The following CNIH2 variants were observed in gnomAD, a reference collection of about 807,000 sequenced individuals.
CNIH2 encodes the protein protein cornichon homolog 2.
CNIH2 carries 8 observed loss-of-function variants against 22.9 expected under a neutral mutation model. The observed-to-expected ratio is 0.35, with a 90% CI of 0.20 to 0.63. The LOEUF (loss-of-function observed/expected upper bound fraction) is 0.63, where lower values mean the gene tolerates loss of function less well. CNIH2 is among the 30% of genes least tolerant of loss of function. The pLI, the probability that CNIH2 is intolerant of heterozygous loss-of-function variation, is 0.72. For missense variants in CNIH2, 105 were observed against 206.2 expected, an observed-to-expected ratio of 0.51 and a Z score of 3.01; for synonymous variants, 74 against 78.2, an observed-to-expected ratio of 0.95 and a Z score of 0.28.
chr11:66,278,629 C>A, intron 1 of CNIH2, 92 bp downstream of exon 1: 1 of 986,460 alleles, frequency 1.0e-6, no homozygotes. Context: ...TCTCAGAGCC[C>A]AGGGGAAACT....
At chr11:66,280,377 C>T (rs1303276706) in intron 1 of CNIH2, among the ~76,000 whole-genome samples, 2 of 152,232 alleles carry the variant, frequency 1.3e-5, no homozygotes, top group South Asian at 2.1e-4. Flanking sequence ...TCTGGTTCCT[C>T]GCCGGCAAAG....
At chr11:66,282,698 G>C (rs373230686) in intron 2 of CNIH2, 35 bp from the exon 3 acceptor site, 2 of 1,612,828 alleles carry the variant, frequency 1.2e-6, no homozygotes, top group Non-Finnish European at 1.7e-6. Context: ...CTGCTTCTCC[G>C]CCACCCCATC....
chr11:66,282,422 G>GT, intron 2 of CNIH2, 95 bp downstream of exon 2: 2 of 1,023,438 alleles, frequency 2.0e-6, no homozygotes, highest in Admixed American at 2.1e-5. Context: ...CGGGGGTGGG[G>GT]TGGGGGGCCT....
Position 66,283,107 on chromosome 11 carries a change from C to G in CNIH2, c.271C>G (p.Leu91Val). Residue 91 changes from leucine (L) to valine (V), a missense_variant, in exon 4 of 6, where the codon CTG becomes GTG. By Grantham distance (32) the Leu-to-Val change is conservative (BLOSUM62 1). Transcript: ENST00000311445. ...MFLCAAEWVT[L>V]GLNIPLLFYH... is the part of the protein sequence containing the mutation. ...TCTGTGTGCAGCAGAGTGGGTGACCCTGGGCCTCAACATCCCCCTCCTCTT... is the reference window on the plus strand; with the variant it reads ...TCTGTGTGCAGCAGAGTGGGTGACCGTGGGCCTCAACATCCCCCTCCTCTT... 1 of 1,614,034 alleles carries G rather than the reference C, an allele frequency of 6.2e-7. No individual in the cohort carries two copies. The highest frequency in any genetic ancestry group is 1.3e-5 in the African/African-American group (1 of 75,060).
intron 2 of CNIH2, 91 bp downstream of exon 2, chr11:66,282,418 T>TGGGGGGGGGGGAGGGGGAAAGGGGGGGGG: frequency 6.2e-6 from 1 of 161,820 alleles, no homozygotes. Flanking sequence ...AAGACGGGGG[T>TGGGGGGGGGGGAGGGGGAAAGGGGGGGGG]GGGGTGGGGG....
rs1402029125 is a variant in CNIH2 at position 66,283,232 on chromosome 11, C to T, written c.312-16C>T. ...GGAGTCCTGATGGCAGACACTCAGG[C>T]CCCTGTCTGCCCCAGGTACTTCCAC... is the stretch of plus-strand genomic sequence containing the variant. On this transcript the variant is annotated splice_polypyrimidine_tract_variant and intron_variant, in intron 4 of 5. Coordinates refer to ENST00000311445, the MANE Select transcript of CNIH2 (RefSeq NM_182553.3). 3 of 1,613,712 alleles carry T rather than the reference C, an allele frequency of 1.9e-6. No homozygotes were observed. Among genetic ancestry groups the T allele is most frequent in the Admixed American group, 1.7e-5 (1 of 59,998 alleles).
intron 1 of CNIH2, among the ~76,000 whole-genome samples, chr11:66,280,472 G>T (rs1348658490): frequency 6.6e-6 from 1 of 152,198 alleles, no homozygotes; most frequent in Non-Finnish European, 1.5e-5. Context: ...CAGCTGCTAA[G>T]AACTAGACTC....
intron 1 of CNIH2, among the ~76,000 whole-genome samples, chr11:66,279,497 G>A (rs1345928189): frequency 7.6e-6 from 1 of 131,208 alleles, no homozygotes; most frequent in African/African-American, 3.0e-5. Flanking sequence ...TGCCCAGCTC[G>A]GCCCTGGCTG....
intron 1 of CNIH2, among the ~76,000 whole-genome samples, chr11:66,279,336 C>T (rs1418823952): frequency 6.6e-6 from 1 of 152,118 alleles, no homozygotes; most frequent in African/African-American, 2.4e-5. Flanking sequence ...CCTCCCGCTC[C>T]TCTCCTCCAG....
At chr11:66,282,178 A>G (rs1857267342) in intron 1 of CNIH2, 81 bp from the exon 2 acceptor site, 1 of 1,265,746 alleles carries the variant, frequency 7.9e-7, no homozygotes, top group Non-Finnish European at 1.2e-6. Context: ...GGTCCTCTTC[A>G]GTAAACTATC....
chr11:66,278,419 C>A lies in CNIH2; in HGVS notation c.-38C>A, dbSNP rs1270567827. 49 of 1,048,788 alleles carry A rather than the reference C, an allele frequency of 4.7e-5. No individual in the cohort carries two copies. In the Admixed American group the frequency reaches 5.4e-4, roughly 11 times the overall value. 65.0% of individuals were successfully genotyped at this position (1,048,788 alleles called of 1,614,324 possible). ...GGCGTCCCCTTGCGCCCGGGCCCCGCGCTGGCGCCCCCCGGGCCGCCGCCC... is the reference window on the plus strand; with the variant it reads ...GGCGTCCCCTTGCGCCCGGGCCCCGAGCTGGCGCCCCCCGGGCCGCCGCCC... On this transcript the variant is annotated 5_prime_UTR_variant, in exon 1 of 6. Coordinates refer to ENST00000311445, the MANE Select transcript of CNIH2 (RefSeq NM_182553.3).
Position 66,278,384 on chromosome 11 carries a change from CG to C in CNIH2, c.-70del. 9.1e-6 allele frequency: 5 copies of C among 547,326 alleles called. No homozygotes were observed. The highest frequency in any genetic ancestry group is 9.3e-6 in the Non-Finnish European group (4 of 427,962). 33.9% of individuals were successfully genotyped at this position (547,326 alleles called of 1,614,324 possible). ...GGCCATGCCCGGCCGGCCCTAAGCGCGGGCCGGGGGGCGTCCCCTTGCGCCC... is the reference window on the plus strand; with the variant it reads ...GGCCATGCCCGGCCGGCCCTAAGCGCGGCCGGGGGGCGTCCCCTTGCGCCC... On this transcript the variant is annotated 5_prime_UTR_variant, in exon 1 of 6. Coordinates refer to ENST00000311445, the MANE Select transcript of CNIH2 (RefSeq NM_182553.3).
At chr11:66,280,765 CG>C (rs1857248299) in intron 1 of CNIH2, among the ~76,000 whole-genome samples, 1 of 151,870 alleles carries the variant, frequency 6.6e-6, no homozygotes, top group Admixed American at 6.6e-5. Context: ...GGGAGCTGGG[CG>C]GGGAGGGGGG....
Position 66,278,404 on chromosome 11 carries a change from T to G in CNIH2, c.-53T>G. On this transcript the variant is annotated 5_prime_UTR_variant, in exon 1 of 6. Transcript: ENST00000311445. ...AAGCGCGGGCCGGGGGGCGTCCCCTTGCGCCCGGGCCCCGCGCTGGCGCCC... is the reference window on the plus strand; with the variant it reads ...AAGCGCGGGCCGGGGGGCGTCCCCTGGCGCCCGGGCCCCGCGCTGGCGCCC... 1.2e-6 allele frequency: 1 copy of G among 817,668 alleles called. No homozygotes were observed. Among genetic ancestry groups the G allele is most frequent in the Non-Finnish European group, 1.5e-6 (1 of 666,512 alleles). The allele number at this position is 817,668 out of a possible 1,614,324, so 50.7% of individuals were successfully genotyped here.
Position 66,283,486 on chromosome 11 carries a change from G to A in CNIH2, c.456-84G>A, listed in dbSNP as rs368845133. The A allele has an allele frequency of 8.1e-6, 13 of 1,607,948 alleles. No homozygotes were observed. The African/African-American group carries it at 1.5e-4, about 18-fold the overall frequency. On this transcript the variant is annotated intron_variant, in intron 5 of 5. Transcript: ENST00000311445. ...TTCCTGCCTTTTGCCCCTGAGGACTGAGGGCAGCCCAGGGTGTGACCAGGT... is the reference window on the plus strand; with the variant it reads ...TTCCTGCCTTTTGCCCCTGAGGACTAAGGGCAGCCCAGGGTGTGACCAGGT...
Position 66,278,430 on chromosome 11 carries a change from C to T in CNIH2, c.-27C>T. 1 of 1,165,588 alleles carries T rather than the reference C, an allele frequency of 8.6e-7. No homozygotes were observed. Among genetic ancestry groups the T allele is most frequent in the Non-Finnish European group, 1.1e-6 (1 of 935,434 alleles). The allele number at this position is 1,165,588 out of a possible 1,614,324, so 72.2% of individuals were successfully genotyped here. ...GCGCCCGGGCCCCGCGCTGGCGCCCCCCGGGCCGCCGCCCGGCGCGGGGGC... is the reference window on the plus strand; with the variant it reads ...GCGCCCGGGCCCCGCGCTGGCGCCCTCCGGGCCGCCGCCCGGCGCGGGGGC... On this transcript the variant is annotated 5_prime_UTR_variant, in exon 1 of 6. Transcript: ENST00000311445.
In CNIH2 at chr11:66,282,735, C is replaced by G. The variant is rs374304001; in HGVS notation, c.153C>G (p.Arg51=). 6 of 1,613,590 alleles carry G rather than the reference C, an allele frequency of 3.7e-6. No homozygotes were observed. Among genetic ancestry groups the G allele is most frequent in the African/African-American group, 1.3e-5 (1 of 74,942 alleles). Residue 51 remains arginine (R), a splice_region_variant and synonymous_variant, in exon 3 of 6, where the codon CGC becomes CGG. Transcript: ENST00000311445. ...PIDQGNPARA[R]ERLKNIERIC... Reference sequence around the variant, plus strand: ...CGGCCTTTTCCTTCCCCCAACAGCGCGAGCGTTTAAAAAACATCGAACGCA... The same window carrying G: ...CGGCCTTTTCCTTCCCCCAACAGCGGGAGCGTTTAAAAAACATCGAACGCA...
chr11:66,283,460 G>A (rs1020977645), intron 5 of CNIH2, 69 bp downstream of exon 5: 6 of 1,611,700 alleles, frequency 3.7e-6, no homozygotes, highest in African/African-American at 1.3e-5. Context: ...CCAATCCCAA[G>A]TTCCTGCCTT....
In CNIH2 at chr11:66,283,552, T is replaced by A. The variant is rs148871318; in HGVS notation, c.456-18T>A. The stretch of plus-strand genomic sequence containing the variant: ...TGTGTGTGTGCAGGGCTAGGCTCAC[T>A]GGCTCATCTTCCTACAGTATGGTTT... On this transcript the variant is annotated intron_variant, in intron 5 of 5. Transcript: ENST00000311445. 1.5e-3 allele frequency: 2,409 copies of A among 1,598,520 alleles called. 20 individuals are homozygous for A. Among genetic ancestry groups the A allele is most frequent in the South Asian group, 1.5e-3 (130 of 89,360 alleles).
Sources: allele counts gnomAD v4.1 joint callset (sites outside exome capture counted in the v4.1 genomes callset), GRCh38; gene constraint gnomAD v4.1.1; transcripts MANE v1.5; gene names NCBI Gene and HGNC (gene_info 2026-07-23, HGNC 2026-07-21).